The following TTC39B variants were observed in gnomAD, a reference collection of about 807,000 sequenced individuals.
TTC39B encodes tetratricopeptide repeat protein 39B.
A neutral mutation model predicts 96.6 loss-of-function variants in TTC39B; 92 were observed. The observed-to-expected ratio is 0.95, with a 90% confidence interval of 0.80 to 1.13. The LOEUF is 1.13. TTC39B is among the 50% of genes most tolerant of loss of function. The pLI, the probability that TTC39B is intolerant of heterozygous loss-of-function variation, is 0.00. For synonymous variants in TTC39B, 367 were observed against 299.4 expected (o/e 1.23, Z -2.33); for missense variants, 955 against 809.3 (o/e 1.18, Z -2.18).
intron 3 of TTC39B, among the ~76,000 whole-genome samples, chr9:15,223,704 T>C (rs1820970118): frequency 1.3e-5 from 2 of 152,208 alleles, no homozygotes; most frequent in African/African-American, 4.8e-5. Flanking sequence ...AGAGTGAGAA[T>C]GTCTGTTGTT....
rs1474564603 is a variant in TTC39B at position 15,306,744 on chromosome 9, T to A, written c.240+340A>T. Among the ~76,000 whole-genome samples the A allele has an allele frequency of 6.6e-6, 1 of 152,202 alleles. No individual in the cohort carries two copies. The highest frequency in any genetic ancestry group is 2.4e-5 in the African/African-American group (1 of 41,456). ...AGACTTCGTAAAGCCCAGGCGTCGC[T>A]GGGCCGGCCCGGAACAGCTCAGAGC... On this transcript the variant is annotated intron_variant, in intron 1 of 19. Transcript: ENST00000512701. This position sits in a 1 kb window ranked among gnomAD's most constrained non-coding sequence, Gnocchi z 5.1.
intron 1 of TTC39B, among the ~76,000 whole-genome samples, chr9:15,281,073 A>C (rs1051947519): frequency 1.3e-5 from 2 of 151,826 alleles, no homozygotes; most frequent in Non-Finnish European, 2.9e-5. Flanking sequence ...GAAGAGGTAC[A>C]TCCCAGCATC....
Position 15,305,268 on chromosome 9 carries a change from C to A in TTC39B, c.240+1816G>T, listed in dbSNP as rs549473479. On this transcript the variant is annotated intron_variant, in intron 1 of 19. Coordinates refer to ENST00000512701, the Ensembl canonical transcript of TTC39B. ...TGTACCCAGGTCATATCTCCCTAAT[C>A]AGACTGAGAACCATAAAGAGGCAAA... is the stretch of plus-strand genomic sequence containing the variant. Among the ~76,000 whole-genome samples, 12 of 152,300 alleles carry A rather than the reference C, an allele frequency of 7.9e-5. No individual in the cohort carries two copies. The South Asian group carries it at 2.5e-3, about 32-fold the overall frequency.
At chr9:15,222,321 A>T (rs558337083) in intron 3 of TTC39B, among the ~76,000 whole-genome samples, 13 of 152,280 alleles carry the variant, frequency 8.5e-5, no homozygotes, top group African/African-American at 2.9e-4. Context: ...CATCTTAACC[A>T]TTTTAAAGCA....
intron 17 of TTC39B, among the ~76,000 whole-genome samples, chr9:15,178,379 C>T (rs1818072223): frequency 1.3e-5 from 2 of 152,046 alleles, no homozygotes; most frequent in Admixed American, 1.3e-4. Context: ...TCAGGACCAG[C>T]CTGGGCAATA....
In TTC39B at chr9:15,218,536, C is replaced by T. The variant is rs141422501; in HGVS notation, c.372-4287G>A. Among the ~76,000 whole-genome samples, 599 of 151,836 alleles carry T rather than the reference C, an allele frequency of 3.9e-3. 4 individuals are homozygous for T. The highest frequency in any genetic ancestry group is 0.014 in the African/African-American group (576 of 41,352). ...CCCTGCTAGAGACATGCCCGAGTGC[C>T]CTTCATAATATATATCTTCAGTGAG... On this transcript the variant is annotated intron_variant, in intron 3 of 19. Coordinates refer to ENST00000512701, the Ensembl canonical transcript of TTC39B.
chr9:15,255,003 C>G (rs571985256), intron 2 of TTC39B, among the ~76,000 whole-genome samples: 1 of 152,054 alleles, frequency 6.6e-6, no homozygotes, highest in South Asian at 2.1e-4. Flanking sequence ...ATGCCCACAC[C>G]TTTGAAAAGG....
chr9:15,283,028 T>C (rs1019654038), intron 1 of TTC39B, among the ~76,000 whole-genome samples: 1 of 152,178 alleles, frequency 6.6e-6, no homozygotes, highest in Admixed American at 6.5e-5. Context: ...GTACAACTAT[T>C]TGTTTCACGT....
intron 2 of TTC39B, among the ~76,000 whole-genome samples, chr9:15,261,535 A>G (rs1044049929): frequency 3.9e-5 from 6 of 151,962 alleles, no homozygotes; most frequent in African/African-American, 1.4e-4. Context: ...CATTCTCCCC[A>G]CTAGACAAGA....
At chr9:15,182,222 G>T in intron 17 of TTC39B, 85 bp downstream of exon 17, 1 of 798,798 alleles carries the variant, frequency 1.3e-6, no homozygotes, top group Non-Finnish European at 2.0e-6. Context: ...ACAAATTAAT[G>T]TTGGCAGATG....
At chr9:15,277,295 G>C (rs937507071) in intron 1 of TTC39B, among the ~76,000 whole-genome samples, 2 of 152,210 alleles carry the variant, frequency 1.3e-5, no homozygotes, top group Admixed American at 1.3e-4. Flanking sequence ...GGGCGTGGTG[G>C]CGCATGCCTG....
chr9:15,238,636 C>A (rs557520567), intron 2 of TTC39B, among the ~76,000 whole-genome samples: 1 of 152,096 alleles, frequency 6.6e-6, no homozygotes, highest in African/African-American at 2.4e-5. Context: ...ACAGATCATA[C>A]AAACAAATGG....
Position 15,228,456 on chromosome 9 carries a change from C to T in TTC39B, c.276-2444G>A, listed in dbSNP as rs187590462. On this transcript the variant is annotated intron_variant, in intron 2 of 19. Transcript: ENST00000512701. ...TCCAGCCTGGGTGACAAGAGTGACA[C>T]TCCATCTCAAAAAATAAAAACAGTA... Among the ~76,000 whole-genome samples the T allele has an allele frequency of 4.7e-3, 712 of 150,100 alleles. 10 individuals carry two copies. The highest frequency in any genetic ancestry group is 0.017 in the African/African-American group (666 of 39,448).
chr9:15,261,331 C>G (rs1017272010), intron 2 of TTC39B, among the ~76,000 whole-genome samples: 1 of 152,022 alleles, frequency 6.6e-6, no homozygotes, highest in Admixed American at 6.6e-5. Flanking sequence ...ATAAAATTAG[C>G]CAGGCGTGAT....
chr9:15,262,070 TTTAA>T (rs1464565235), intron 2 of TTC39B, among the ~76,000 whole-genome samples: 1 of 152,056 alleles, frequency 6.6e-6, no homozygotes, highest in Non-Finnish European at 1.5e-5. Flanking sequence ...CACAGACTAT[TTTAA>T]TTTTTATTTT....
exon 20 of TTC39B, chr9:15,165,935 C>T (rs1300512668): frequency 6.6e-6 from 1 of 152,146 alleles, no homozygotes; most frequent in Non-Finnish European, 1.5e-5. Context: ...CTTTATTATA[C>T]TTATTTTTTA....
intron 2 of TTC39B, among the ~76,000 whole-genome samples, chr9:15,229,921 T>C (rs1057309990): frequency 1.2e-4 from 18 of 152,246 alleles, no homozygotes; most frequent in Non-Finnish European, 2.1e-4. Context: ...AAGCAAGTCC[T>C]GCTGGAGTTT....
At chr9:15,258,249 C>T (rs969820933) in intron 2 of TTC39B, among the ~76,000 whole-genome samples, 13 of 151,852 alleles carry the variant, frequency 8.6e-5, no homozygotes, top group African/African-American at 1.5e-4. Flanking sequence ...GGAAAGTGAA[C>T]GGATGGGAAA....
At chr9:15,179,293 C>G (rs991037113) in intron 17 of TTC39B, among the ~76,000 whole-genome samples, 6 of 152,172 alleles carry the variant, frequency 3.9e-5, no homozygotes, top group African/African-American at 1.4e-4. Context: ...AGGGAACATA[C>G]GAGGCCCTGG....
Sources: allele counts gnomAD v4.1 joint callset (sites outside exome capture counted in the v4.1 genomes callset), GRCh38; gene constraint gnomAD v4.1.1; non-coding constraint Gnocchi (gnomAD v3.1); transcripts MANE v1.5; gene names NCBI Gene and HGNC (gene_info 2026-07-23, HGNC 2026-07-21).